Variants in LRP1B observed in about 807,000 individuals in gnomAD.
The protein encoded by LRP1B is low-density lipoprotein receptor-related protein 1B.
Under a neutral mutation model 556.6 loss-of-function variants are expected in LRP1B, and 217 were observed. The ratio of observed to expected loss-of-function variants is 0.39; its 90% CI spans 0.35 to 0.44. The LOEUF is 0.44. Ranked by LOEUF, LRP1B falls within the 20% of genes least tolerant of loss-of-function variation. The pLI, the probability that LRP1B is intolerant of heterozygous loss-of-function variation, is 1.00. For missense variants in LRP1B, 5,053 were observed against 5,620.8 expected (o/e 0.90, Z 3.23); for synonymous variants, 2,047 against 1,865.8 (o/e 1.10, Z -2.50).
At chr2:140,965,862 C>T (rs112282691) in intron 18 of LRP1B, among the ~76,000 whole-genome samples, 10,032 of 140,664 alleles carry the variant, frequency 0.071, 407 homozygotes, top group Non-Finnish European at 0.09. Flanking sequence ...GCTTCATCCA[C>T]GTCCCTACAA....
chr2:141,636,916 TAGA>T (rs1211185728), intron 2 of LRP1B, among the ~76,000 whole-genome samples: 2 of 152,108 alleles, frequency 1.3e-5, no homozygotes, highest in Non-Finnish European at 2.9e-5. Context: ...TGTAAATATA[TAGA>T]AGGATGCCTG....
rs998875116 is a variant in LRP1B at position 140,989,058 on chromosome 2, T to C, written c.2770+474A>G. ...GGAAATATAAATAGGCTAGTGGTCT[T>C]GAGATTTCATGGGGAAAAAAACCTA... On this transcript the variant is annotated intron_variant, in intron 17 of 90. Transcript: ENST00000389484. Among the ~76,000 whole-genome samples, 7 of 152,184 alleles carry C rather than the reference T, an allele frequency of 4.6e-5. No individual in the cohort carries two copies. In the East Asian group the frequency reaches 1.4e-3, roughly 30 times the overall value.
intron 1 of LRP1B, among the ~76,000 whole-genome samples, chr2:141,983,090 C>T (rs1702086550): frequency 1.3e-5 from 2 of 152,066 alleles, no homozygotes; most frequent in African/African-American, 4.8e-5. Context: ...TAATGTAGAA[C>T]ATTTTGTAAA....
intron 15 of LRP1B, among the ~76,000 whole-genome samples, chr2:141,002,609 C>G (rs931271585): frequency 3.9e-5 from 6 of 152,012 alleles, no homozygotes; most frequent in African/African-American, 1.4e-4. Context: ...TAAATAGTTT[C>G]CATACTATAT....
intron 34 of LRP1B, among the ~76,000 whole-genome samples, chr2:140,770,224 A>G (rs1573694060): frequency 6.6e-6 from 1 of 152,030 alleles, no homozygotes; most frequent in South Asian, 2.1e-4. Context: ...GAACAGTGCC[A>G]TGCACATAAG....
intron 1 of LRP1B, among the ~76,000 whole-genome samples, chr2:141,909,670 G>A (rs1247672009): frequency 6.6e-6 from 1 of 151,032 alleles, no homozygotes; most frequent in African/African-American, 2.4e-5. Context: ...CTGAACCACA[G>A]CAGTAGCAAG....
rs1458280685 is a variant in LRP1B at position 141,878,614 on chromosome 2, T to C, written c.83-68213A>G. Among the ~76,000 whole-genome samples the C allele has an allele frequency of 3.3e-5, 5 of 152,146 alleles. No individual in the cohort carries two copies. In the East Asian group the frequency reaches 9.7e-4, roughly 29 times the overall value. ...TAGTAATATTTCCCCTTTTGAGGTG[T>C]TGATAAAGTCATATATTAAAAGTAA... On this transcript the variant is annotated intron_variant, in intron 1 of 90. Coordinates refer to ENST00000389484, the MANE Select transcript of LRP1B (RefSeq NM_018557.3).
At chr2:141,206,409 G>C (rs921446176) in intron 6 of LRP1B, among the ~76,000 whole-genome samples, 2 of 150,890 alleles carry the variant, frequency 1.3e-5, no homozygotes, top group African/African-American at 4.9e-5. Flanking sequence ...GTGAAACCCC[G>C]TCTCTACTAA....
chr2:141,131,021 C>T (rs917910298), intron 7 of LRP1B, among the ~76,000 whole-genome samples: 4 of 151,786 alleles, frequency 2.6e-5, no homozygotes, highest in Non-Finnish European at 5.9e-5. Context: ...GGGCATATAC[C>T]TAACACATGT....
At chr2:140,601,354 A>T (rs1281402176) in intron 42 of LRP1B, 96 bp downstream of exon 42, 4 of 1,075,886 alleles carry the variant, frequency 3.7e-6, no homozygotes, top group Admixed American at 3.3e-5. Flanking sequence ...TCAAATAAAA[A>T]CTTTATTTTT....
chr2:141,184,773 A>G (rs999261664), intron 7 of LRP1B, among the ~76,000 whole-genome samples: 4 of 151,222 alleles, frequency 2.6e-5, no homozygotes, highest in Admixed American at 2.0e-4. Flanking sequence ...GTTCCCCTCC[A>G]TGCCCACCGA....
chr2:141,816,092 A>G (rs976126001), intron 1 of LRP1B, among the ~76,000 whole-genome samples: 3 of 152,184 alleles, frequency 2.0e-5, no homozygotes, highest in Admixed American at 6.5e-5. Context: ...TTAATGTCCA[A>G]ATGTTCACCT....
At chr2:141,000,045 C>A (rs1697369217) in intron 15 of LRP1B, among the ~76,000 whole-genome samples, 1 of 151,928 alleles carries the variant, frequency 6.6e-6, no homozygotes, top group African/African-American at 2.4e-5. Context: ...CTCCTGAGTA[C>A]TTGGGTCTAC....
chr2:140,621,436 ATAGAG>A (rs1018790064), intron 41 of LRP1B, among the ~76,000 whole-genome samples: 9 of 151,542 alleles, frequency 5.9e-5, no homozygotes, highest in African/African-American at 1.9e-4. Flanking sequence ...CAAACAATCT[ATAGAG>A]TAAAGGAAGC....
chr2:141,168,591 C>A (rs1483252918), intron 7 of LRP1B, among the ~76,000 whole-genome samples: 1 of 151,990 alleles, frequency 6.6e-6, no homozygotes, highest in African/African-American at 2.4e-5. Context: ...ATAATTACAA[C>A]AACAGTAATA....
At chr2:140,984,067 G>T (rs1003122888) in intron 17 of LRP1B, among the ~76,000 whole-genome samples, 3 of 151,644 alleles carry the variant, frequency 2.0e-5, no homozygotes, top group African/African-American at 7.2e-5. Context: ...ATATGTATTT[G>T]TATTAACCTA....
intron 6 of LRP1B, among the ~76,000 whole-genome samples, chr2:141,206,432 A>G (rs1313418106): frequency 6.6e-6 from 1 of 151,874 alleles, no homozygotes; most frequent in Non-Finnish European, 1.5e-5. Flanking sequence ...ATGCAAAAAA[A>G]AAATTAGCCA....
At chr2:140,533,141 G>A (rs983468664) in intron 47 of LRP1B, among the ~76,000 whole-genome samples, 1 of 151,530 alleles carries the variant, frequency 6.6e-6, no homozygotes, top group African/African-American at 2.4e-5. Context: ...GATTTAAGAA[G>A]GCTTTCAATG....
In LRP1B at chr2:142,130,871, AAT is replaced by A. The variant is rs1480620670; in HGVS notation, c.-144_-143del. On this transcript the variant is annotated 5_prime_UTR_variant, in exon 1 of 91. Transcript: ENST00000389484. ...AATGTCACTGGAAATTCTTCAGCTC[AAT>A]GAGTCCAGCCAGTCAGCCTTCTCCT... is the stretch of plus-strand genomic sequence containing the variant. The A allele has an allele frequency of 1.4e-6, 1 of 722,138 alleles. No homozygotes were observed. The highest frequency in any genetic ancestry group is 2.5e-6 in the Non-Finnish European group (1 of 404,226). The allele number at this position is 722,138 out of a possible 1,614,324, so 44.7% of individuals were successfully genotyped here.
Sources: allele counts gnomAD v4.1 joint callset (sites outside exome capture counted in the v4.1 genomes callset), GRCh38; gene constraint gnomAD v4.1.1; transcripts MANE v1.5; gene names NCBI Gene and HGNC (gene_info 2026-07-23, HGNC 2026-07-21).